Variants in TPRX1 observed in about 807,000 individuals in gnomAD.
TPRX1 encodes the protein tetra-peptide repeat homeobox protein 1.
In TPRX1, 2 loss-of-function variants were observed where a neutral mutation model predicts 8.1. The ratio of observed to expected loss-of-function variants is 0.25; its 90% CI spans 0.10 to 0.78. The LOEUF (loss-of-function observed/expected upper bound fraction) is 0.78. TPRX1 is among the 30% of genes least tolerant of loss of function. The pLI, the probability that TPRX1 is intolerant of heterozygous loss-of-function variation, is 0.70. For synonymous variants in TPRX1, 257 were observed against 254.1 expected (o/e 1.01, Z -0.11); for missense variants, 517 against 586.9 (o/e 0.88, Z 1.23).
intron 2 of TPRX1, among the ~76,000 whole-genome samples, chr19:47,818,161 G>C (rs992872696): frequency 6.6e-6 from 1 of 151,996 alleles, no homozygotes; most frequent in Non-Finnish European, 1.5e-5. Context: ...CTCTGTGCCA[G>C]TGTCTCTACC....
At chr19:47,803,883 G>A (rs1259919109) in intron 2 of TPRX1, among the ~76,000 whole-genome samples, 1 of 151,988 alleles carries the variant, frequency 6.6e-6, no homozygotes, top group Non-Finnish European at 1.5e-5. Context: ...CTCCTGGGAA[G>A]GCAGGCAGCG....
chr19:47,817,236 C>T (rs1026826727), intron 2 of TPRX1, among the ~76,000 whole-genome samples: 1 of 152,238 alleles, frequency 6.6e-6, no homozygotes, highest in Non-Finnish European at 1.5e-5. Flanking sequence ...GCTTCTCACA[C>T]ACTGCATGAA....
At chr19:47,809,470 A>G (rs1379322942) in intron 2 of TPRX1, among the ~76,000 whole-genome samples, 1 of 151,916 alleles carries the variant, frequency 6.6e-6, no homozygotes, top group Admixed American at 6.6e-5. Context: ...TTTTGTAGAG[A>G]CGGGGTTTTG....
chr19:47,815,133 TATATATATATGCAAATATA>T (rs1568617362), intron 2 of TPRX1, among the ~76,000 whole-genome samples: 5 of 114,014 alleles, frequency 4.4e-5, no homozygotes, highest in African/African-American at 1.7e-4. Context: ...TATATATATA[TATATATATATGCAAATATA>T]TATATATATA....
intron 2 of TPRX1, among the ~76,000 whole-genome samples, chr19:47,815,162 A>ATATATGCAAATATATATATATATT (rs1360730858): frequency 1.4e-3 from 107 of 74,708 alleles, no homozygotes; most frequent in Non-Finnish European, 2.5e-3. Context: ...ATATATATAT[A>ATATATGCAAATATATATATATATT]TTTTTTTTTT....
chr19:47,808,925 G>A (rs1180713153), intron 2 of TPRX1, among the ~76,000 whole-genome samples: 1 of 152,172 alleles, frequency 6.6e-6, no homozygotes, highest in Non-Finnish European at 1.5e-5. Flanking sequence ...CTCAGACTAT[G>A]GAATGCTAAT....
intron 2 of TPRX1, among the ~76,000 whole-genome samples, chr19:47,805,987 G>A (rs952089768): frequency 6.6e-6 from 1 of 152,190 alleles, no homozygotes; most frequent in Admixed American, 6.6e-5. Flanking sequence ...CACTTTGGGA[G>A]GCTGAGGCAG....
chr19:47,814,126 G>A (rs997152678), intron 2 of TPRX1, among the ~76,000 whole-genome samples: 1 of 150,280 alleles, frequency 6.7e-6, no homozygotes, highest in Non-Finnish European at 1.5e-5. Flanking sequence ...GTGTGATCTC[G>A]GCTGACTGAA....
At chr19:47,812,609 C>A (rs554864042) in intron 2 of TPRX1, among the ~76,000 whole-genome samples, 279 of 152,092 alleles carry the variant, frequency 1.8e-3, no homozygotes, top group Non-Finnish European at 3.2e-3. Context: ...GTGGTGTGTG[C>A]CTGTAGTCCC....
At chr19:47,816,722 T>A (rs376662785) in intron 2 of TPRX1, among the ~76,000 whole-genome samples, 1 of 149,694 alleles carries the variant, frequency 6.7e-6, no homozygotes, top group African/African-American at 2.5e-5. Flanking sequence ...TTAGTAGAGA[T>A]GGGGTTTCAC....
intron 2 of TPRX1, among the ~76,000 whole-genome samples, chr19:47,807,451 C>G (rs1177096254): frequency 7.2e-5 from 11 of 152,108 alleles, no homozygotes; most frequent in Admixed American, 5.2e-4. Flanking sequence ...TTGATCTCAG[C>G]TCTGCCTCCT....
chr19:47,816,320 G>A (rs936880756), intron 2 of TPRX1, among the ~76,000 whole-genome samples: 1 of 152,002 alleles, frequency 6.6e-6, no homozygotes, highest in Non-Finnish European at 1.5e-5. Context: ...CTCCCACCTT[G>A]GCTTCCCAAA....
At chr19:47,814,717 G>A (rs532462738) in intron 2 of TPRX1, among the ~76,000 whole-genome samples, 10 of 152,042 alleles carry the variant, frequency 6.6e-5, no homozygotes, top group Admixed American at 5.2e-4. Flanking sequence ...AGAGTCCTGG[G>A]GTCTACCTCT....
intron 2 of TPRX1, among the ~76,000 whole-genome samples, chr19:47,809,266 TTTTTTCTTTTC>T (rs1438358953): frequency 1.3e-5 from 2 of 152,112 alleles, no homozygotes; most frequent in Non-Finnish European, 2.9e-5. Flanking sequence ...ATACATATTC[TTTTTTCTTTTC>T]TTTTTCTTTC....
In TPRX1 at chr19:47,801,791, A is replaced by G. The variant is rs558559581; in HGVS notation, c.1511T>C (p.Leu504Ser). ...ACAGGCCCCCTATAAATCCAGTAAT[A>G]ACCTGGGGCCTGAGTGATTTTCATT... Residue 504 changes from leucine to serine, a missense_variant, in exon 4 of 4, where the codon TTA (leucine) becomes TCA (serine). By Grantham distance (145) the Leu-to-Ser change is moderately radical (BLOSUM62 -2). Transcript: ENST00000535759. The G allele has an allele frequency of 4.5e-5, 72 of 1,613,220 alleles. No individual in the cohort carries two copies. Among genetic ancestry groups the G allele is most frequent in the East Asian group, 1.3e-4 (6 of 44,886 alleles).
intron 2 of TPRX1, among the ~76,000 whole-genome samples, chr19:47,811,738 C>T (rs1599954876): frequency 1.3e-5 from 2 of 152,042 alleles, no homozygotes; most frequent in Non-Finnish European, 1.5e-5. Context: ...ACCTCGTGAT[C>T]CGCCCACCTC....
chr19:47,802,022 G>C lies in TPRX1; in HGVS notation c.1280C>G (p.Pro427Arg), dbSNP rs144013839. ...GGGGCTCTGAGGCCATAAGGGGGCT[G>C]GGGCTGGGAGTGATCCTGGGCCTGG... Residue 427 changes from proline to arginine, a missense_variant, in exon 4 of 4, where the codon CCA (proline) becomes CGA (arginine). Coordinates refer to ENST00000535759, the Ensembl canonical transcript of TPRX1. 68 of 1,610,498 alleles carry C rather than the reference G, an allele frequency of 4.2e-5. No individual in the cohort carries two copies. The highest frequency in any genetic ancestry group is 5.7e-5 in the Non-Finnish European group (67 of 1,178,364).
At chr19:47,811,092 C>A (rs1265927953) in intron 2 of TPRX1, among the ~76,000 whole-genome samples, 1 of 151,324 alleles carries the variant, frequency 6.6e-6, no homozygotes, top group Non-Finnish European at 1.5e-5. Flanking sequence ...CAACTTCTGC[C>A]TCCCGGGTTC....
At chr19:47,804,782 A>G (rs557414822) in intron 2 of TPRX1, among the ~76,000 whole-genome samples, 45 of 152,268 alleles carry the variant, frequency 3.0e-4, no homozygotes, top group African/African-American at 1.1e-3. Flanking sequence ...CCTTGGTTTC[A>G]CCCTCATGGG....
Sources: gnomAD v4.1 joint callset for allele counts (sites outside exome capture counted in the v4.1 genomes callset) on GRCh38, gnomAD v4.1.1 for gene constraint, MANE v1.5 for transcripts, NCBI Gene and HGNC (gene_info 2026-07-23, HGNC 2026-07-21) for gene names.